The following THSD7B variants were observed in gnomAD, a reference collection of about 807,000 sequenced individuals.
THSD7B encodes thrombospondin type 1 domain containing 7B, also known as thrombospondin type-1 domain-containing protein 7B.
A neutral mutation model predicts 213.6 loss-of-function variants in THSD7B; 138 were observed. The ratio of observed to expected loss-of-function variants is 0.65; its 90% CI spans 0.56 to 0.74. The LOEUF is 0.74. THSD7B is among the 30% of genes least tolerant of loss of function. The pLI, the probability that THSD7B is intolerant of heterozygous loss-of-function variation, is 0.00. For synonymous variants in THSD7B, 742 were observed against 687.0 expected (o/e 1.08, Z -1.25); for missense variants, 1,931 against 1,991.5 (o/e 0.97, Z 0.58).
In THSD7B at chr2:137,095,036, G is replaced by A; in HGVS notation, c.1114G>A (p.Ala372Thr). Residue 372 changes from alanine to threonine, a missense_variant, in exon 4 of 28, where the codon GCT becomes ACT. Physicochemically the swap from Ala to Thr is moderately conservative, Grantham distance 58. Transcript: ENST00000409968. ...CAGGAGCCGGAACGTGAAGCACATG[G>A]CTATTGGAGGTGGAAAGGAGTGTCC... ...RSRSRNVKHM[A>T]IGGGKECPEL... The A allele has an allele frequency of 6.2e-7, 1 of 1,613,854 alleles. No individual in the cohort carries two copies.
intron 3 of THSD7B, among the ~76,000 whole-genome samples, chr2:137,071,192 ATTCC>A (rs2104891695): frequency 6.6e-6 from 1 of 152,238 alleles, no homozygotes; most frequent in South Asian, 2.1e-4. Flanking sequence ...GTGTAAAAGT[ATTCC>A]TGTTTCTCCA....
At chr2:137,383,121 ACCAACCCATGTGGGG>A (rs1382184787) in intron 12 of THSD7B, among the ~76,000 whole-genome samples, 2 of 152,210 alleles carry the variant, frequency 1.3e-5, no homozygotes, top group African/African-American at 4.8e-5. Flanking sequence ...CTAGTTGGCC[ACCAACCCATGTGGGG>A]CCAAGCCATG....
intron 2 of THSD7B, among the ~76,000 whole-genome samples, chr2:137,036,276 T>A (rs774301481): frequency 3.3e-5 from 5 of 152,212 alleles, no homozygotes; most frequent in Admixed American, 2.6e-4. Context: ...AATAGCCATA[T>A]ACAAATGTCC....
At chr2:137,242,641 A>C in intron 10 of THSD7B, 69 bp downstream of exon 10, 2 of 1,205,430 alleles carry the variant, frequency 1.7e-6, no homozygotes, top group Non-Finnish European at 2.4e-6. Context: ...TAAGTAAGTG[A>C]GAGGTTGTGG....
intron 20 of THSD7B, among the ~76,000 whole-genome samples, chr2:137,642,071 G>C (rs975723646): frequency 6.6e-6 from 1 of 152,022 alleles, no homozygotes; most frequent in African/African-American, 2.4e-5. Flanking sequence ...TGTAATCCTG[G>C]CTTAAAATAT....
At chr2:136,895,165 AC>A (rs1311649311) in intron 2 of THSD7B, among the ~76,000 whole-genome samples, 1 of 152,126 alleles carries the variant, frequency 6.6e-6, no homozygotes, top group African/African-American at 2.4e-5. Context: ...ATATTATGGC[AC>A]CTTCTCTTTT....
At chr2:137,361,162 C>G (rs548841849) in intron 12 of THSD7B, among the ~76,000 whole-genome samples, 3 of 152,096 alleles carry the variant, frequency 2.0e-5, no homozygotes, top group African/African-American at 7.2e-5. Flanking sequence ...GGAAAACCAA[C>G]AAACAGAAAG....
intron 9 of THSD7B, among the ~76,000 whole-genome samples, chr2:137,235,074 C>T (rs1478935800): frequency 1.3e-5 from 2 of 152,110 alleles, no homozygotes; most frequent in East Asian, 1.9e-4. Flanking sequence ...TTAGTATCAC[C>T]TGCTTCAGGT....
chr2:136,878,044 A>T (rs577536021), intron 1 of THSD7B, among the ~76,000 whole-genome samples: 1 of 152,058 alleles, frequency 6.6e-6, no homozygotes, highest in Admixed American at 6.5e-5. Context: ...TACATTAGGT[A>T]TATCTCCTAA....
chr2:137,132,428 A>C (rs991632629), intron 5 of THSD7B, among the ~76,000 whole-genome samples: 3 of 151,918 alleles, frequency 2.0e-5, no homozygotes, highest in African/African-American at 7.3e-5. Context: ...TATTTTTAAT[A>C]GGGGAGTAAT....
intron 2 of THSD7B, among the ~76,000 whole-genome samples, chr2:136,976,552 T>C (rs771503458): frequency 1.3e-5 from 2 of 152,212 alleles, no homozygotes; most frequent in African/African-American, 2.4e-5. Context: ...CTTTTTGATA[T>C]GCTACTGGAT....
intron 15 of THSD7B, among the ~76,000 whole-genome samples, chr2:137,468,585 A>G (rs1207706713): frequency 8.1e-6 from 1 of 122,988 alleles, no homozygotes; most frequent in Non-Finnish European, 1.6e-5. Flanking sequence ...AGAAAAGAAA[A>G]AATAAAAGCT....
chr2:136,777,604 A>G (rs1054755204), intron 1 of THSD7B, among the ~76,000 whole-genome samples: 16 of 152,184 alleles, frequency 1.1e-4, no homozygotes, highest in African/African-American at 3.6e-4. Context: ...CAAAGTTCCC[A>G]TGATCCTGCC....
At chr2:137,082,607 G>C (rs1306751288) in intron 3 of THSD7B, among the ~76,000 whole-genome samples, 1 of 152,044 alleles carries the variant, frequency 6.6e-6, no homozygotes, top group Admixed American at 6.6e-5. Context: ...CTACAATTTT[G>C]CCATGCAGCC....
At chr2:137,553,318 G>C (rs1028348115) in intron 15 of THSD7B, among the ~76,000 whole-genome samples, 11 of 152,086 alleles carry the variant, frequency 7.2e-5, no homozygotes, top group Admixed American at 1.3e-4. Flanking sequence ...GTTGTTAAAG[G>C]ATTATTTGTT....
chr2:137,219,796 T>TA (rs1421929822), intron 7 of THSD7B, among the ~76,000 whole-genome samples: 8 of 122,030 alleles, frequency 6.6e-5, no homozygotes, highest in African/African-American at 2.0e-4. Flanking sequence ...CACAATGTTA[T>TA]AAACAGCAGT....
chr2:137,636,783 A>G (rs765301186), intron 20 of THSD7B, among the ~76,000 whole-genome samples: 10 of 152,208 alleles, frequency 6.6e-5, no homozygotes, highest in African/African-American at 1.7e-4. Context: ...GGAGAGAACT[A>G]TTTCCAACTA....
intron 2 of THSD7B, among the ~76,000 whole-genome samples, chr2:136,993,681 T>C (rs1685828465): frequency 2.0e-5 from 3 of 152,170 alleles, no homozygotes; most frequent in Non-Finnish European, 4.4e-5. Flanking sequence ...TCTGTTCACG[T>C]GAAAAACAAC....
intron 17 of THSD7B, among the ~76,000 whole-genome samples, chr2:137,613,076 C>T (rs1351271302): frequency 6.6e-6 from 1 of 152,124 alleles, no homozygotes; most frequent in African/African-American, 2.4e-5. Flanking sequence ...AGGTCTAAAA[C>T]CAGAGTGGTT....
Sources: gnomAD v4.1 joint callset for allele counts (sites outside exome capture counted in the v4.1 genomes callset) on GRCh38, gnomAD v4.1.1 for gene constraint, MANE v1.5 for transcripts, NCBI Gene and HGNC (gene_info 2026-07-23, HGNC 2026-07-21) for gene names.